Variants in WDR36 observed in about 807,000 individuals in gnomAD.
The protein encoded by WDR36 is WD repeat domain 36.
WDR36 carries 63 observed loss-of-function variants against 112.7 expected under a neutral mutation model. The ratio of observed to expected loss-of-function variants is 0.56; its 90% CI spans 0.46 to 0.69. The LOEUF (loss-of-function observed/expected upper bound fraction) is 0.69, where lower values mean the gene tolerates loss of function less well. WDR36 is among the 30% of genes least tolerant of loss of function. The pLI is 0.00. For missense variants in WDR36, 1,226 were observed against 1,070.3 expected, an observed-to-expected ratio of 1.15 and a Z score of -2.03; for synonymous variants, 410 against 362.2, an observed-to-expected ratio of 1.13 and a Z score of -1.50.
chr5:111,106,362 A>G (rs1753222128), intron 11 of WDR36, among the ~76,000 whole-genome samples: 1 of 151,508 alleles, frequency 6.6e-6, no homozygotes, highest in Non-Finnish European at 1.5e-5. Context: ...CTTCTGTATA[A>G]CAGGTATTAA....
At chr5:111,119,931 C>G (rs1180790989) in intron 17 of WDR36, among the ~76,000 whole-genome samples, 3 of 151,986 alleles carry the variant, frequency 2.0e-5, no homozygotes, top group Non-Finnish European at 4.4e-5. Context: ...AACTTGAAAC[C>G]TGAGATTCTC....
intron 15 of WDR36, chr5:111,111,663 G>T: frequency 5.2e-6 from 1 of 191,140 alleles, no homozygotes; most frequent in Non-Finnish European, 1.1e-5. Flanking sequence ...TGGAATATCT[G>T]GTATCTGGTT....
chr5:111,092,509 G>A lies in WDR36; in HGVS notation c.53G>A (p.Arg18Gln), dbSNP rs376575241. Reference protein sequence around the residue: ...RTASALFAGFRALGLFSNDIP... With the variant: ...RTASALFAGFQALGLFSNDIP... ...GCCAGCGCGCTTTTTGCGGGGTTCCGGGCCTTGGGACTTTTCAGCAACGAC... is the reference window on the plus strand; with the variant it reads ...GCCAGCGCGCTTTTTGCGGGGTTCCAGGCCTTGGGACTTTTCAGCAACGAC... Residue 18 changes from arginine to glutamine, a missense_variant, in exon 1 of 23, where the codon CGG (arginine) becomes CAG (glutamine). Transcript: ENST00000513710. 6 of 1,614,238 alleles carry A rather than the reference G, an allele frequency of 3.7e-6. No individual in the cohort carries two copies. The highest frequency in any genetic ancestry group is 2.2e-5 in the South Asian group (2 of 91,080).
intron 12 of WDR36, among the ~76,000 whole-genome samples, chr5:111,107,888 C>T (rs1272278490): frequency 6.6e-6 from 1 of 151,228 alleles, no homozygotes; most frequent in African/African-American, 2.4e-5. Flanking sequence ...ATTTTGATAG[C>T]TTTGTGGTAA....
rs1202651224 is a variant in WDR36 at position 111,128,803 on chromosome 5, A to G, written c.*1920A>G. 1 of 183,392 alleles carries G rather than the reference A, an allele frequency of 5.5e-6. No individual in the cohort carries two copies. The highest frequency in any genetic ancestry group is 1.2e-5 in the Non-Finnish European group (1 of 86,246). 11.4% of individuals were successfully genotyped at this position (183,392 alleles called of 1,614,324 possible). A position where few individuals can be genotyped will look rare whatever the true frequency, so the allele number is the denominator to read the frequency against. ...TTTATCTATATTTTCCTTAAAATATATCAATCTGTGCACACTCTTTCAGTT... is the reference window on the plus strand; with the variant it reads ...TTTATCTATATTTTCCTTAAAATATGTCAATCTGTGCACACTCTTTCAGTT... On this transcript the variant is annotated 3_prime_UTR_variant, in exon 23 of 23. Coordinates refer to ENST00000513710, the MANE Select transcript of WDR36 (RefSeq NM_139281.3).
chr5:111,116,698 G>C (rs1274317520), intron 16 of WDR36, among the ~76,000 whole-genome samples: 1 of 152,142 alleles, frequency 6.6e-6, no homozygotes, highest in Non-Finnish European at 1.5e-5. Context: ...GAACTAATGT[G>C]GCAGTGTAGA....
Position 111,104,275 on chromosome 5 carries a change from T to A in WDR36, c.829T>A (p.Ser277Thr). 1 of 1,612,192 alleles carries A rather than the reference T, an allele frequency of 6.2e-7. No individual in the cohort carries two copies. Among genetic ancestry groups the A allele is most frequent in the South Asian group, 1.1e-5 (1 of 91,052 alleles). The stretch of plus-strand genomic sequence containing the variant: ...AATCAACCAAATGAGAAATGCACAC[T>A]CTACAGCAATTGCCGGACTGACATT... ...KLINQMRNAH[S>T]TAIAGLTFLH... The change falls in exon 8 of 23, where the codon TCT (serine) becomes ACT (threonine). Residue 277 changes from serine (S) to threonine (T), a missense_variant. Coordinates refer to ENST00000513710, the MANE Select transcript of WDR36 (RefSeq NM_139281.3).
At position 111,121,010 on chromosome 5, in the gene WDR36, G is replaced by A; in HGVS notation, c.2017G>A (p.Glu673Lys). 2 of 1,613,088 alleles carry A rather than the reference G, an allele frequency of 1.2e-6. No individual in the cohort carries two copies. The change falls in exon 19 of 23, where the codon GAA becomes AAA. Residue 673 changes from glutamate to lysine, a missense_variant. Physicochemically the swap from Glu to Lys is moderately conservative, Grantham distance 56. Coordinates refer to ENST00000513710, the MANE Select transcript of WDR36 (RefSeq NM_139281.3). Reference sequence around the variant, plus strand: ...ATTTTTTTAAGATGTAGAAGTATCAGAAGAAACAGTAGAACCAAGTGATGA... The same window carrying A: ...ATTTTTTTAAGATGTAGAAGTATCAAAAGAAACAGTAGAACCAAGTGATGA... ...TCQTQDVEVS[E>K]ETVEPSDELI...
intron 16 of WDR36, among the ~76,000 whole-genome samples, chr5:111,117,483 T>G (rs1442188959): frequency 6.6e-6 from 1 of 152,204 alleles, no homozygotes; most frequent in African/African-American, 2.4e-5. Flanking sequence ...GCTGTTGCCC[T>G]GTTTTTGTGT....
chr5:111,102,271 T>G, intron 5 of WDR36, 74 bp from the exon 6 acceptor site: 1 of 1,148,998 alleles, frequency 8.7e-7, no homozygotes, highest in Non-Finnish European at 1.3e-6. Flanking sequence ...TTATTTCACT[T>G]TTTAATGTGT....
rs375069546 is a variant in WDR36 at position 111,126,614 on chromosome 5, C to A, written c.2539-120C>A. The A allele has an allele frequency of 4.4e-6, 5 of 1,131,114 alleles. No individual in the cohort carries two copies. The African/African-American group carries it at 6.3e-5, about 14-fold the overall frequency. The allele number at this position is 1,131,114 out of a possible 1,614,324, so 70.1% of individuals were successfully genotyped here. A position where few individuals can be genotyped will look rare whatever the true frequency, so the allele number is the denominator to read the frequency against. ...AAAATGGGAGATAGTAATAAACCAGCGCTTAAGAAAACAAATATTCACCTA... is the reference window on the plus strand; with the variant it reads ...AAAATGGGAGATAGTAATAAACCAGAGCTTAAGAAAACAAATATTCACCTA... On this transcript the variant is annotated intron_variant, in intron 22 of 22. Transcript: ENST00000513710.
intron 16 of WDR36, among the ~76,000 whole-genome samples, chr5:111,116,242 C>T (rs72778306): frequency 0.088 from 13,372 of 151,942 alleles, 621 homozygotes; most frequent in South Asian, 0.23. Context: ...AGCCACGGTG[C>T]CCAGCCAGAT....
In WDR36 at chr5:111,100,676, T is replaced by C. The variant is rs1753105080; in HGVS notation, c.497T>C (p.Leu166Pro). 6.2e-7 allele frequency: 1 copy of C among 1,609,312 alleles called. No individual in the cohort carries two copies. Among genetic ancestry groups the C allele is most frequent in the Non-Finnish European group, 8.5e-7 (1 of 1,176,960 alleles). ...AGTACCTACTTGAATAAAATACTTC[T>C]GGGCAGTGAACAAGGAAGCCTGCAG... is the stretch of plus-strand genomic sequence containing the variant. ...HPSTYLNKIL[L>P]GSEQGSLQLW... The change falls in exon 5 of 23, where the codon CTG becomes CCG. Residue 166 changes from leucine to proline, a missense_variant. Physicochemically the swap from Leu to Pro is moderately conservative, Grantham distance 98 (BLOSUM62 -3). Transcript: ENST00000513710.
rs1237983094 is a variant in WDR36, at chr5:111,124,100, T to C, written c.2269-8T>C. ...TATTTGAATAATGTGTATTTGTTTTTGTTTAAGTCTAAAGTGGTAAATCTT... is the reference window on the plus strand; with the variant it reads ...TATTTGAATAATGTGTATTTGTTTTCGTTTAAGTCTAAAGTGGTAAATCTT... On this transcript the variant is annotated splice_region_variant and splice_polypyrimidine_tract_variant and intron_variant, in intron 20 of 22. Transcript: ENST00000513710. 2 of 1,612,612 alleles carry C rather than the reference T, an allele frequency of 1.2e-6. No individual in the cohort carries two copies. Among genetic ancestry groups the C allele is most frequent in the African/African-American group, 2.7e-5 (2 of 74,920 alleles).
In WDR36 at chr5:111,128,451, G is replaced by A. The variant is rs1002380971; in HGVS notation, c.*1568G>A. 3 of 181,008 alleles carry A rather than the reference G, an allele frequency of 1.7e-5. No homozygotes were observed. Among genetic ancestry groups the A allele is most frequent in the African/African-American group, 7.1e-5 (3 of 42,498 alleles). The allele number at this position is 181,008 out of a possible 1,614,324, so 11.2% of individuals were successfully genotyped here. A position where few individuals can be genotyped will look rare whatever the true frequency, so the allele number is the denominator to read the frequency against. On this transcript the variant is annotated 3_prime_UTR_variant, in exon 23 of 23. Transcript: ENST00000513710. The stretch of plus-strand genomic sequence containing the variant: ...AGCCACTGACAGAAATGTTAATCAT[G>A]ACTTAAGTTCTAATTTAAAAAACTA...
At chr5:111,108,588 T>C (rs529195918) in intron 12 of WDR36, among the ~76,000 whole-genome samples, 1 of 151,536 alleles carries the variant, frequency 6.6e-6, no homozygotes, top group Admixed American at 6.6e-5. Flanking sequence ...ATAATGGTTG[T>C]AATAGTAGTG....
intron 18 of WDR36, 88 bp downstream of exon 18, chr5:111,120,681 C>A: frequency 9.3e-7 from 1 of 1,078,082 alleles, no homozygotes; most frequent in Non-Finnish European, 1.4e-6. Flanking sequence ...AAGTTTAGTG[C>A]ATTCAATCAA....
At chr5:111,093,145 C>T (rs1752903207) in intron 1 of WDR36, among the ~76,000 whole-genome samples, 1 of 152,166 alleles carries the variant, frequency 6.6e-6, no homozygotes, top group Non-Finnish European at 1.5e-5. Context: ...GCCTTGCAGC[C>T]GTTTCTTTGC....
At chr5:111,097,211 C>A in intron 3 of WDR36, 32 bp downstream of exon 3, 2 of 1,518,384 alleles carry the variant, frequency 1.3e-6, no homozygotes, top group South Asian at 2.2e-5. Context: ...GTTTGTCAGT[C>A]AGTATTTGTT....
Sources: gnomAD v4.1 joint callset for allele counts (sites outside exome capture counted in the v4.1 genomes callset) on GRCh38, gnomAD v4.1.1 for gene constraint, MANE v1.5 for transcripts, NCBI Gene and HGNC (gene_info 2026-07-23, HGNC 2026-07-21) for gene names.